The following KCNB2 variants were observed in gnomAD, a reference collection of about 807,000 sequenced individuals.
The protein encoded by KCNB2 is delayed rectifier potassium channel protein.
A neutral mutation model predicts 61.5 loss-of-function variants in KCNB2; 15 were observed. The observed-to-expected ratio is 0.24, with a 90% CI of 0.16 to 0.38. The LOEUF is 0.38. KCNB2 is among the 10% of genes least tolerant of loss of function. The pLI is 1.00. For synonymous variants in KCNB2, 457 were observed against 446.0 expected, an observed-to-expected ratio of 1.02 and a Z score of -0.31; for missense variants, 828 against 1,125.2, an observed-to-expected ratio of 0.74 and a Z score of 3.78.
chr8:72,656,627 G>T (rs1346675569), intron 2 of KCNB2, among the ~76,000 whole-genome samples: 1 of 152,140 alleles, frequency 6.6e-6, no homozygotes, highest in Non-Finnish European at 1.5e-5. Flanking sequence ...CGATTATAAT[G>T]AGAATCTTAG....
chr8:72,798,062 C>T (rs1809059093), intron 2 of KCNB2, among the ~76,000 whole-genome samples: 1 of 152,130 alleles, frequency 6.6e-6, no homozygotes. Context: ...GTATTTTCAT[C>T]AGGATGGTTT....
intron 2 of KCNB2, among the ~76,000 whole-genome samples, chr8:72,863,780 C>T (rs921895781): frequency 6.6e-6 from 1 of 152,170 alleles, no homozygotes; most frequent in Non-Finnish European, 1.5e-5. Flanking sequence ...GAGGCCAAGG[C>T]AGGCAGATGG....
At chr8:72,898,758 T>A (rs1401762330) in intron 2 of KCNB2, among the ~76,000 whole-genome samples, 1 of 152,136 alleles carries the variant, frequency 6.6e-6, no homozygotes, top group Admixed American at 6.6e-5. Flanking sequence ...ATGGATTCCA[T>A]CATCCAGGTA....
intron 2 of KCNB2, among the ~76,000 whole-genome samples, chr8:72,904,146 C>T (rs947980013): frequency 4.6e-5 from 7 of 152,120 alleles, no homozygotes; most frequent in African/African-American, 1.7e-4. Context: ...ATGCCTTACT[C>T]TTGTATATAG....
intron 2 of KCNB2, among the ~76,000 whole-genome samples, chr8:72,767,275 C>A (rs1365094675): frequency 1.3e-5 from 2 of 152,066 alleles, no homozygotes; most frequent in East Asian, 3.9e-4. Context: ...ATAGTATTTA[C>A]TATAAAATTC....
chr8:72,614,553 A>G (rs749245755), intron 2 of KCNB2, among the ~76,000 whole-genome samples: 1 of 152,220 alleles, frequency 6.6e-6, no homozygotes, highest in Non-Finnish European at 1.5e-5. Flanking sequence ...AGCAGCATAG[A>G]TGCCAGTCTC....
intron 2 of KCNB2, among the ~76,000 whole-genome samples, chr8:72,893,904 G>A (rs75806389): frequency 2.0e-5 from 3 of 152,152 alleles, no homozygotes; most frequent in African/African-American, 7.2e-5. Context: ...ATAAAGTCAT[G>A]TGTAAATCCA....
intron 2 of KCNB2, among the ~76,000 whole-genome samples, chr8:72,577,458 A>G (rs1806816136): frequency 6.6e-6 from 1 of 152,238 alleles, no homozygotes; most frequent in Non-Finnish European, 1.5e-5. Context: ...AATAGATGCA[A>G]CTTTGTCATC....
rs1448025384 is a variant in KCNB2, at chr8:72,748,853, A to C, written c.579+180540A>C. Reference sequence around the variant, plus strand: ...ATTACCTCACATACCATTTTTTTGCAGTGAGAACACTTAAAAATCTATTCT... The same window carrying C: ...ATTACCTCACATACCATTTTTTTGCCGTGAGAACACTTAAAAATCTATTCT... On this transcript the variant is annotated intron_variant, in intron 2 of 2. Coordinates refer to ENST00000523207, the MANE Select transcript of KCNB2 (RefSeq NM_004770.3). 2.6e-5 allele frequency among the ~76,000 whole-genome samples: 4 copies of C among 151,956 alleles called. No individual in the cohort carries two copies. In the East Asian group the frequency reaches 7.7e-4, roughly 29 times the overall value.
chr8:72,834,520 C>G lies in KCNB2; in HGVS notation c.580-101415C>G, dbSNP rs1334259375. Among the ~76,000 whole-genome samples, 4 of 152,160 alleles carry G rather than the reference C, an allele frequency of 2.6e-5. No homozygotes were observed. The East Asian group carries it at 7.7e-4, about 29-fold the overall frequency. ...CAACTGACAGGAACTCAAATAATTTCAAATCTTTGACATGGAGTGGAACCA... is the reference window on the plus strand; with the variant it reads ...CAACTGACAGGAACTCAAATAATTTGAAATCTTTGACATGGAGTGGAACCA... On this transcript the variant is annotated intron_variant, in intron 2 of 2. Coordinates refer to ENST00000523207, the MANE Select transcript of KCNB2 (RefSeq NM_004770.3).
intron 2 of KCNB2, among the ~76,000 whole-genome samples, chr8:72,580,851 T>A (rs1243149641): frequency 6.6e-6 from 1 of 152,168 alleles, no homozygotes; most frequent in African/African-American, 2.4e-5. Flanking sequence ...CCCCCCTCAA[T>A]TCTAATCCAT....
At chr8:72,636,273 A>T (rs1169633597) in intron 2 of KCNB2, among the ~76,000 whole-genome samples, 2 of 152,170 alleles carry the variant, frequency 1.3e-5, no homozygotes, top group African/African-American at 4.8e-5. Context: ...TCCAGCAATA[A>T]ATCGTCGCTC....
intron 2 of KCNB2, among the ~76,000 whole-genome samples, chr8:72,678,482 GAAA>G (rs1806698902): frequency 2.2e-5 from 2 of 91,530 alleles, no homozygotes; most frequent in African/African-American, 3.1e-4. Context: ...AAGCATTCTA[GAAA>G]AGCATGATTC....
At chr8:72,780,993 CAT>C (rs1449818671) in intron 2 of KCNB2, among the ~76,000 whole-genome samples, 1 of 152,040 alleles carries the variant, frequency 6.6e-6, no homozygotes, top group Non-Finnish European at 1.5e-5. Flanking sequence ...AGCTTTTTTT[CAT>C]ATGTTTGTTG....
At chr8:72,834,672 T>C (rs1184259047) in intron 2 of KCNB2, among the ~76,000 whole-genome samples, 1 of 152,100 alleles carries the variant, frequency 6.6e-6, no homozygotes. Context: ...AGGGGAGTGA[T>C]CTTGGTGTCC....
At chr8:72,820,682 C>A (rs1809482573) in intron 2 of KCNB2, among the ~76,000 whole-genome samples, 1 of 151,754 alleles carries the variant, frequency 6.6e-6, no homozygotes, top group African/African-American at 2.4e-5. Flanking sequence ...TCAATTCTTT[C>A]CCTCTAAATT....
At chr8:72,550,193 C>G (rs1040138431) in intron 1 of KCNB2, among the ~76,000 whole-genome samples, 1 of 152,234 alleles carries the variant, frequency 6.6e-6, no homozygotes, top group Non-Finnish European at 1.5e-5. Flanking sequence ...CCCAAGGGCA[C>G]TTGCCAGTAA....
chr8:72,865,633 A>C lies in KCNB2; in HGVS notation c.580-70302A>C, dbSNP rs1447570368. Among the ~76,000 whole-genome samples the C allele has an allele frequency of 3.3e-5, 5 of 152,302 alleles. No individual in the cohort carries two copies. In the East Asian group the frequency reaches 9.7e-4, roughly 29 times the overall value. On this transcript the variant is annotated intron_variant, in intron 2 of 2. Transcript: ENST00000523207. ...TTGCTTACATAAGAGCCATTCGCAGAACTCCGAAATTATAAAAGCTTTACT... is the reference window on the plus strand; with the variant it reads ...TTGCTTACATAAGAGCCATTCGCAGCACTCCGAAATTATAAAAGCTTTACT...
chr8:72,678,509 T>A (rs1389431662), intron 2 of KCNB2, among the ~76,000 whole-genome samples: 1 of 152,168 alleles, frequency 6.6e-6, no homozygotes, highest in Non-Finnish European at 1.5e-5. Flanking sequence ...CTCAGGGCCT[T>A]TGCACTTTTC....
Sources: gnomAD v4.1 joint callset for allele counts (sites outside exome capture counted in the v4.1 genomes callset) on GRCh38, gnomAD v4.1.1 for gene constraint, MANE v1.5 for transcripts, NCBI Gene and HGNC (gene_info 2026-07-23, HGNC 2026-07-21) for gene names.